SNX29: variants seen among roughly 807,000 people sequenced by gnomAD.
The protein encoded by SNX29 is sorting nexin 29, also known as sorting nexin-29.
In SNX29, 78 loss-of-function variants were observed where a neutral mutation model predicts 102.1. That is an observed-to-expected ratio of 0.76 (90% CI 0.64 to 0.92). The LOEUF (loss-of-function observed/expected upper bound fraction) is 0.92, where lower values mean the gene tolerates loss of function less well. Ranked by LOEUF, SNX29 falls within the 40% of genes least tolerant of loss-of-function variation. SNX29 has a pLI of 0.00. For missense variants in SNX29, 1,280 were observed against 1,061.7 expected (o/e 1.21, Z -2.86); for synonymous variants, 580 against 414.5 (o/e 1.40, Z -4.85).
chr16:12,327,934 C>T (rs541426765), intron 15 of SNX29, among the ~76,000 whole-genome samples: 6 of 152,248 alleles, frequency 3.9e-5, no homozygotes, highest in Admixed American at 2.0e-4. Context: ...TGTGGATTTC[C>T]GCATAATCTC....
intron 2 of SNX29, among the ~76,000 whole-genome samples, chr16:12,001,524 A>G (rs140196301): frequency 2.6e-5 from 4 of 152,184 alleles, no homozygotes; most frequent in East Asian, 1.9e-4. Context: ...TATAATTTAC[A>G]TATAATAAAA....
At chr16:12,045,808 A>G (rs184342540) in intron 5 of SNX29, among the ~76,000 whole-genome samples, 152 of 152,014 alleles carry the variant, frequency 1.0e-3, no homozygotes, top group African/African-American at 3.5e-3. Context: ...TATTTTTAGT[A>G]GAGATGGGGT....
At chr16:12,174,570 G>T (rs1322607793) in intron 13 of SNX29, among the ~76,000 whole-genome samples, 1 of 152,196 alleles carries the variant, frequency 6.6e-6, no homozygotes, top group African/African-American at 2.4e-5. Context: ...GACCCAAGCT[G>T]GGCTGGAAGA....
intron 15 of SNX29, 55 bp from the exon 16 acceptor site, chr16:12,356,108 T>C (rs898004992): frequency 6.5e-7 from 1 of 1,526,930 alleles, no homozygotes; most frequent in Non-Finnish European, 8.9e-7. Flanking sequence ...AAGGCGGGAT[T>C]GGTCCCTGGG....
chr16:12,547,716 A>G (rs904523978), intron 20 of SNX29, among the ~76,000 whole-genome samples: 49 of 152,228 alleles, frequency 3.2e-4, no homozygotes, highest in African/African-American at 1.2e-3. Context: ...TCTGCATAGC[A>G]TGGCACCCAT....
At chr16:12,549,985 T>G (rs12443538) in intron 20 of SNX29, among the ~76,000 whole-genome samples, 14,728 of 152,296 alleles carry the variant, frequency 0.097, 1,243 homozygotes, top group East Asian at 0.21. Flanking sequence ...TCACACTTCA[T>G]GTATAGCTTC....
chr16:12,565,574 C>A (rs2078966665), intron 20 of SNX29, among the ~76,000 whole-genome samples: 1 of 152,124 alleles, frequency 6.6e-6, no homozygotes, highest in Non-Finnish European at 1.5e-5. Flanking sequence ...CCTACTGTCA[C>A]ACCCTCAACC....
chr16:12,333,920 G>A (rs949637039), intron 15 of SNX29, among the ~76,000 whole-genome samples: 1 of 152,120 alleles, frequency 6.6e-6, no homozygotes, highest in African/African-American at 2.4e-5. Flanking sequence ...CCGCGTTTCC[G>A]TGCCCTGCAT....
intron 20 of SNX29, among the ~76,000 whole-genome samples, chr16:12,543,785 G>T (rs1009263532): frequency 6.6e-6 from 1 of 152,206 alleles, no homozygotes; most frequent in African/African-American, 2.4e-5. Context: ...AGATGTATCT[G>T]GTGCTCTAGA....
At chr16:12,014,849 T>C (rs1470480302) in intron 3 of SNX29, among the ~76,000 whole-genome samples, 1 of 152,168 alleles carries the variant, frequency 6.6e-6, no homozygotes, top group Non-Finnish European at 1.5e-5. Context: ...AATTTGATTA[T>C]TTGTATGTAC....
chr16:12,552,013 A>G (rs2078008398), intron 20 of SNX29, among the ~76,000 whole-genome samples: 1 of 152,146 alleles, frequency 6.6e-6, no homozygotes, highest in Admixed American at 6.5e-5. Flanking sequence ...CCCTGTCTCT[A>G]AAAAACGTGG....
chr16:12,281,702 A>C (rs900350925), intron 15 of SNX29, among the ~76,000 whole-genome samples: 1 of 152,014 alleles, frequency 6.6e-6, no homozygotes, highest in African/African-American at 2.4e-5. Flanking sequence ...TGAGGAGGAC[A>C]CTCTTGCTGC....
Position 12,540,249 on chromosome 16 carries a change from C to A in SNX29, c.2318+15408C>A, listed in dbSNP as rs1195619348. ...CCTGTGGCTGACCCGCTCCCCCCAC[C>A]CCCAGCGTAAGGTCAAGTGGAGGGA... is the stretch of plus-strand genomic sequence containing the variant. On this transcript the variant is annotated intron_variant, in intron 20 of 20. Coordinates refer to ENST00000566228, the MANE Select transcript of SNX29 (RefSeq NM_032167.5). Among the ~76,000 whole-genome samples, 3 of 152,260 alleles carry A rather than the reference C, an allele frequency of 2.0e-5. No individual in the cohort carries two copies. In the East Asian group the frequency reaches 5.8e-4, roughly 29 times the overall value.
Position 12,054,896 on chromosome 16 carries a change from T to C in SNX29, c.1124+2674T>C, listed in dbSNP as rs555249921. Among the ~76,000 whole-genome samples the C allele has an allele frequency of 4.6e-5, 7 of 152,348 alleles. No individual in the cohort carries two copies. The East Asian group carries it at 1.3e-3, about 29-fold the overall frequency. ...TGTTGGGTATTTATGCTGATGGTTT[T>C]TGTTTTTGCTTTTTGTTATCAGCGG... On this transcript the variant is annotated intron_variant, in intron 8 of 20. Transcript: ENST00000566228.
chr16:12,097,051 C>G (rs1371511039), intron 11 of SNX29, among the ~76,000 whole-genome samples: 5 of 152,218 alleles, frequency 3.3e-5, no homozygotes, highest in Non-Finnish European at 5.9e-5. Flanking sequence ...ATCTTCCAGG[C>G]TGCACCTCTG....
chr16:12,561,415 C>T (rs926200956), intron 20 of SNX29, among the ~76,000 whole-genome samples: 3 of 152,152 alleles, frequency 2.0e-5, no homozygotes, highest in Non-Finnish European at 2.9e-5. Flanking sequence ...CAGATCAGTC[C>T]TAGCTGGGTT....
chr16:12,281,166 G>A (rs1361569248), intron 15 of SNX29, among the ~76,000 whole-genome samples: 1 of 152,060 alleles, frequency 6.6e-6, no homozygotes, highest in Non-Finnish European at 1.5e-5. Context: ...CTCTCACCTC[G>A]GCCTCTCAAA....
intron 4 of SNX29, among the ~76,000 whole-genome samples, chr16:12,035,437 G>T (rs1157942774): frequency 6.6e-6 from 1 of 152,086 alleles, no homozygotes; most frequent in Non-Finnish European, 1.5e-5. Context: ...TAGGATGTGG[G>T]TGTATTATGC....
At chr16:12,123,994 G>A (rs987049164) in intron 11 of SNX29, among the ~76,000 whole-genome samples, 1 of 152,212 alleles carries the variant, frequency 6.6e-6, no homozygotes, top group South Asian at 2.1e-4. Context: ...AAGCAAGGAT[G>A]ATATCATTTG....
Sources: allele counts gnomAD v4.1 joint callset (sites outside exome capture counted in the v4.1 genomes callset), GRCh38; gene constraint gnomAD v4.1.1; transcripts MANE v1.5; gene names NCBI Gene and HGNC (gene_info 2026-07-23, HGNC 2026-07-21).